The following AATF variants were observed in gnomAD, a reference collection of about 807,000 sequenced individuals.
AATF encodes the protein protein AATF.
Under a neutral mutation model 63.7 loss-of-function variants are expected in AATF, and 48 were observed. That is an observed-to-expected ratio of 0.75 (90% CI 0.60 to 0.96). The LOEUF is 0.96. Ranked by LOEUF, AATF falls within the 40% of genes least tolerant of loss-of-function variation. AATF has a pLI of 0.00. For synonymous variants in AATF, 258 were observed against 247.7 expected (o/e 1.04, Z -0.39); for missense variants, 639 against 685.7 (o/e 0.93, Z 0.76).
At chr17:37,015,400 G>A (rs988488091) in intron 8 of AATF, among the ~76,000 whole-genome samples, 1 of 152,148 alleles carries the variant, frequency 6.6e-6, no homozygotes, top group African/African-American at 2.4e-5. Flanking sequence ...CAAGAAGGTG[G>A]CAGTTTCTGT....
chr17:36,971,780 G>C (rs941133453), intron 4 of AATF, among the ~76,000 whole-genome samples: 2 of 152,206 alleles, frequency 1.3e-5, no homozygotes, highest in African/African-American at 4.8e-5. Flanking sequence ...ATTATACTAA[G>C]TGAAATATGC....
chr17:36,994,366 A>G (rs1317069389), intron 8 of AATF, among the ~76,000 whole-genome samples: 1 of 152,226 alleles, frequency 6.6e-6, no homozygotes, highest in Non-Finnish European at 1.5e-5. Context: ...TTTTTTCCTT[A>G]GAAGGCAAAT....
intron 11 of AATF, among the ~76,000 whole-genome samples, chr17:37,037,939 G>A (rs923323271): frequency 1.3e-5 from 2 of 152,132 alleles, no homozygotes; most frequent in African/African-American, 2.4e-5. Context: ...TCCTGCTGTG[G>A]CCTTGTGAGG....
chr17:37,027,585 A>G (rs915767358), intron 10 of AATF, among the ~76,000 whole-genome samples: 7 of 152,188 alleles, frequency 4.6e-5, no homozygotes, highest in African/African-American at 1.7e-4. Context: ...ATGTTCTAGT[A>G]GCGACATTGA....
chr17:36,965,058 G>A (rs1264458802), intron 4 of AATF, among the ~76,000 whole-genome samples: 1 of 152,154 alleles, frequency 6.6e-6, no homozygotes, highest in Non-Finnish European at 1.5e-5. Context: ...ATGTATTCTT[G>A]TTTGATTGGG....
chr17:36,976,433 A>G lies in AATF; in HGVS notation c.833-10184A>G, dbSNP rs532920899. Among the ~76,000 whole-genome samples, 9 of 152,322 alleles carry G rather than the reference A, an allele frequency of 5.9e-5. No individual in the cohort carries two copies. The South Asian group carries it at 6.2e-4, about 11-fold the overall frequency. ...TATTAATCTGAATAGTGATGGTACA[A>G]TCTTTTAAGGATATAGCTCTTGGGC... is the stretch of plus-strand genomic sequence containing the variant. On this transcript the variant is annotated intron_variant, in intron 4 of 11. Transcript: ENST00000619387.
At chr17:36,952,315 T>C (rs1567962259) in intron 2 of AATF, among the ~76,000 whole-genome samples, 2 of 152,248 alleles carry the variant, frequency 1.3e-5, no homozygotes, top group African/African-American at 4.8e-5. Flanking sequence ...CATGCATATC[T>C]ACCACTCCCA....
intron 11 of AATF, 30 bp from the exon 12 acceptor site, chr17:37,056,571 G>T (rs1401493783): frequency 6.2e-7 from 1 of 1,612,532 alleles, no homozygotes; most frequent in Non-Finnish European, 8.5e-7. Context: ...GAACCAGTGT[G>T]TTAACCAGTT....
At chr17:37,028,426 C>T (rs2071526860) in intron 10 of AATF, among the ~76,000 whole-genome samples, 1 of 151,828 alleles carries the variant, frequency 6.6e-6, no homozygotes, top group African/African-American at 2.4e-5. Context: ...AAGCAAGACC[C>T]TATCTCAAAA....
intron 4 of AATF, among the ~76,000 whole-genome samples, chr17:36,967,893 C>T (rs2071004369): frequency 6.9e-6 from 1 of 144,518 alleles, no homozygotes; most frequent in South Asian, 2.2e-4. Context: ...TTGGAAACTG[C>T]AGACTTTTCT....
intron 8 of AATF, among the ~76,000 whole-genome samples, chr17:37,013,644 G>T (rs1288786624): frequency 6.6e-6 from 1 of 152,138 alleles, no homozygotes; most frequent in Non-Finnish European, 1.5e-5. Flanking sequence ...ATGCATGAGG[G>T]ATCTACCTCC....
At chr17:36,996,228 T>C (rs1247954800) in intron 8 of AATF, among the ~76,000 whole-genome samples, 1 of 152,082 alleles carries the variant, frequency 6.6e-6, no homozygotes, top group African/African-American at 2.4e-5. Flanking sequence ...GCCCAGGAGT[T>C]TGAGACTAGC....
intron 2 of AATF, among the ~76,000 whole-genome samples, chr17:36,950,915 A>G (rs2070850156): frequency 6.6e-6 from 1 of 152,174 alleles, no homozygotes; most frequent in African/African-American, 2.4e-5. Flanking sequence ...ATGAGCTGAA[A>G]AACCACTGTG....
chr17:36,951,498 A>ATT, intron 2 of AATF, among the ~76,000 whole-genome samples: 1 of 152,220 alleles, frequency 6.6e-6, no homozygotes, highest in African/African-American at 2.4e-5. Flanking sequence ...AATTATCACC[A>ATT]TTATCACTAC....
At position 36,990,251 on chromosome 17, in the gene AATF, C is replaced by A. The variant is rs77746203; in HGVS notation, c.1315-523C>A. 5.3e-3 allele frequency among the ~76,000 whole-genome samples: 812 copies of A among 152,298 alleles called. 8 individuals carry two copies. The highest frequency in any genetic ancestry group is 0.018 in the African/African-American group (734 of 41,570). On this transcript the variant is annotated intron_variant, in intron 7 of 11. Coordinates refer to ENST00000619387, the MANE Select transcript of AATF (RefSeq NM_012138.4). The stretch of plus-strand genomic sequence containing the variant: ...CATTTCATTACCTAGAGAGCTACCT[C>A]ATTTTTCCTAATGACCTCAAAGTAT...
intron 10 of AATF, among the ~76,000 whole-genome samples, chr17:37,030,412 A>T (rs1329429003): frequency 6.6e-6 from 1 of 152,138 alleles, no homozygotes; most frequent in Non-Finnish European, 1.5e-5. Context: ...TGTTTTATGG[A>T]TAGTGTTTTG....
chr17:36,970,125 C>G (rs916149668), intron 4 of AATF, among the ~76,000 whole-genome samples: 4 of 152,238 alleles, frequency 2.6e-5, no homozygotes, highest in Middle Eastern at 6.8e-3. Flanking sequence ...TTTCATTTCT[C>G]TTGGGTAGCT....
chr17:37,024,886 G>A (rs2071499588), intron 10 of AATF, among the ~76,000 whole-genome samples: 1 of 152,098 alleles, frequency 6.6e-6, no homozygotes. Flanking sequence ...TTGAACCAGA[G>A]AGGCAGAGGT....
Position 37,031,596 on chromosome 17 carries a change from G to C in AATF, c.1548-18G>C. ...ATAGTTACTAATGTTGCTGCCTGTTGCTTCCTGCTTTATTTAGGTTTCATG... is the reference window on the plus strand; with the variant it reads ...ATAGTTACTAATGTTGCTGCCTGTTCCTTCCTGCTTTATTTAGGTTTCATG... On this transcript the variant is annotated intron_variant, in intron 10 of 11. Transcript: ENST00000619387. 6.2e-7 allele frequency: 1 copy of C among 1,610,330 alleles called. No individual in the cohort carries two copies. The highest frequency in any genetic ancestry group is 8.5e-7 in the Non-Finnish European group (1 of 1,176,584).
Sources: allele counts gnomAD v4.1 joint callset (sites outside exome capture counted in the v4.1 genomes callset), GRCh38; gene constraint gnomAD v4.1.1; transcripts MANE v1.5; gene names NCBI Gene and HGNC (gene_info 2026-07-23, HGNC 2026-07-21).